Variants in MCTP2 observed in about 807,000 individuals in gnomAD.
MCTP2 encodes the protein multiple C2 and transmembrane domain containing 2.
A neutral mutation model predicts 111.6 loss-of-function variants in MCTP2; 132 were observed. The ratio of observed to expected loss-of-function variants is 1.18; its 90% CI spans 1.03 to 1.37. The LOEUF (loss-of-function observed/expected upper bound fraction) is 1.37. Ranked by LOEUF, MCTP2 falls within the 40% of genes most tolerant of loss-of-function variation. The probability of loss-of-function intolerance (pLI) is 0.00; values close to 1 mark genes in which losing one functional copy is unlikely to be tolerated. For missense variants in MCTP2, 1,183 were observed against 1,067.9 expected, an observed-to-expected ratio of 1.11 and a Z score of -1.50; for synonymous variants, 395 against 387.7, an observed-to-expected ratio of 1.02 and a Z score of -0.22.
At chr15:94,334,271 T>C (rs1292936834) in intron 4 of MCTP2, among the ~76,000 whole-genome samples, 2 of 152,230 alleles carry the variant, frequency 1.3e-5, no homozygotes, top group Admixed American at 6.5e-5. Flanking sequence ...GCTGAGTAAA[T>C]GGCCCAAAGT....
intron 1 of MCTP2, among the ~76,000 whole-genome samples, chr15:94,289,895 G>T (rs939609259): frequency 1.3e-5 from 2 of 152,100 alleles, no homozygotes; most frequent in African/African-American, 4.8e-5. Context: ...TTCCTGGTGG[G>T]CCCAATCAAG....
intron 20 of MCTP2, among the ~76,000 whole-genome samples, chr15:94,466,316 A>C (rs2073291775): frequency 6.6e-6 from 1 of 152,040 alleles, no homozygotes; most frequent in Non-Finnish European, 1.5e-5. Flanking sequence ...TTGGATTTTC[A>C]TGTGGAGAGT....
chr15:94,331,514 C>T (rs551432588), intron 4 of MCTP2, among the ~76,000 whole-genome samples: 15 of 152,224 alleles, frequency 9.9e-5, no homozygotes, highest in Admixed American at 7.8e-4. Flanking sequence ...GGCTGTGGTG[C>T]AGGGAAGAAT....
At chr15:94,415,446 C>G (rs143185772) in intron 17 of MCTP2, among the ~76,000 whole-genome samples, 1 of 152,104 alleles carries the variant, frequency 6.6e-6, no homozygotes, top group Non-Finnish European at 1.5e-5. Flanking sequence ...ATAGTGAAAA[C>G]GACAGCATCT....
At chr15:94,426,673 T>C (rs1370970043) in intron 17 of MCTP2, among the ~76,000 whole-genome samples, 3 of 152,168 alleles carry the variant, frequency 2.0e-5, no homozygotes, top group Non-Finnish European at 4.4e-5. Context: ...CTGGTTATCT[T>C]TTTTCTTTTG....
intron 4 of MCTP2, among the ~76,000 whole-genome samples, chr15:94,322,401 T>G (rs566518438): frequency 1.4e-4 from 21 of 152,328 alleles, no homozygotes; most frequent in Admixed American, 1.2e-3. Context: ...CATTACTGTC[T>G]GTTACTTTCT....
intron 12 of MCTP2, among the ~76,000 whole-genome samples, chr15:94,370,491 C>T (rs991684123): frequency 1.3e-5 from 2 of 152,204 alleles, no homozygotes; most frequent in Non-Finnish European, 2.9e-5. Flanking sequence ...TCAAGCTTTT[C>T]TATGTAACCT....
intron 1 of MCTP2, among the ~76,000 whole-genome samples, chr15:94,239,332 C>T (rs913622557): frequency 1.3e-5 from 2 of 152,188 alleles, no homozygotes; most frequent in Admixed American, 6.5e-5. Flanking sequence ...GCTGTTCCAC[C>T]TCCAGTTGCC....
At chr15:94,432,379 A>C (rs1349185233) in intron 17 of MCTP2, among the ~76,000 whole-genome samples, 2 of 152,320 alleles carry the variant, frequency 1.3e-5, no homozygotes, top group East Asian at 1.9e-4. Context: ...TAATTTTATT[A>C]TTATATATTT....
chr15:94,296,129 C>A (rs988530310), intron 1 of MCTP2, among the ~76,000 whole-genome samples: 1 of 152,094 alleles, frequency 6.6e-6, no homozygotes, highest in East Asian at 1.9e-4. Context: ...TTACAGATTC[C>A]TCCCAGGTCT....
At chr15:94,280,582 G>A (rs11637042) in intron 1 of MCTP2, among the ~76,000 whole-genome samples, 1 of 150,742 alleles carries the variant, frequency 6.6e-6, no homozygotes, top group Non-Finnish European at 1.5e-5. Flanking sequence ...ATGGGTTTTT[G>A]TGTCTCAATT....
At chr15:94,245,360 A>ATATATTTACATACATATGTATATGTATT (rs1299906083) in intron 1 of MCTP2, among the ~76,000 whole-genome samples, 2 of 139,956 alleles carry the variant, frequency 1.4e-5, no homozygotes, top group Admixed American at 7.3e-5. Context: ...ACATATGTAT[A>ATATATTTACATACATATGTATATGTATT]TATATTTACA....
intron 7 of MCTP2, chr15:94,343,717 A>G (rs1333234560): frequency 1.3e-5 from 2 of 152,188 alleles, no homozygotes; most frequent in African/African-American, 4.8e-5. Flanking sequence ...GGTCTGGTTA[A>G]CTCAAAGAAT....
rs1201004098 is a variant in MCTP2 at position 94,243,663 on chromosome 15, GTA to G, written c.-66+12006_-66+12007del. ...TACATATATATGTATACACATATGCGTATATATACACATATATGTATACACAT... is the reference window on the plus strand; with the variant it reads ...TACATATATATGTATACACATATGCGTATATACACATATATGTATACACAT... On this transcript the variant is annotated intron_variant, in intron 1 of 22. Transcript: ENST00000357742. Among the ~76,000 whole-genome samples the G allele has an allele frequency of 1.6e-3, 239 of 146,876 alleles. 1 individual carries two copies. The highest frequency in any genetic ancestry group is 5.7e-3 in the African/African-American group (229 of 39,926).
At chr15:94,381,436 T>G (rs915756527) in intron 12 of MCTP2, among the ~76,000 whole-genome samples, 1 of 152,194 alleles carries the variant, frequency 6.6e-6, no homozygotes, top group African/African-American at 2.4e-5. Context: ...AGTTCCTGGT[T>G]TCTGGAGGAA....
At chr15:94,262,040 C>T (rs1431934001) in intron 1 of MCTP2, among the ~76,000 whole-genome samples, 1 of 152,010 alleles carries the variant, frequency 6.6e-6, no homozygotes. Flanking sequence ...TATTTCCTTC[C>T]CTTCTAATTA....
intron 1 of MCTP2, among the ~76,000 whole-genome samples, chr15:94,290,942 T>G (rs1474382095): frequency 6.6e-6 from 1 of 152,150 alleles, no homozygotes; most frequent in Non-Finnish European, 1.5e-5. Context: ...GTAGAGAAAT[T>G]CACAACTATA....
At chr15:94,237,440 A>AT (rs34291691) in intron 1 of MCTP2, among the ~76,000 whole-genome samples, 23,972 of 146,060 alleles carry the variant, frequency 0.16, 2,318 homozygotes, top group East Asian at 0.32. Flanking sequence ...CTAAACTCGG[A>AT]TTTTTTTTTT....
chr15:94,248,699 A>G (rs2072192475), intron 1 of MCTP2, among the ~76,000 whole-genome samples: 1 of 152,200 alleles, frequency 6.6e-6, no homozygotes, highest in Admixed American at 6.5e-5. Context: ...TCTTTTCAAC[A>G]CTGGATTTTT....
Sources: allele counts gnomAD v4.1 joint callset (sites outside exome capture counted in the v4.1 genomes callset), GRCh38; gene constraint gnomAD v4.1.1; transcripts MANE v1.5; gene names NCBI Gene and HGNC (gene_info 2026-07-23, HGNC 2026-07-21).